The following CHRM3 variants were observed in gnomAD, a reference collection of about 807,000 sequenced individuals.
CHRM3 encodes cholinergic receptor muscarinic 3, also known as muscarinic acetylcholine receptor M3.
A neutral mutation model predicts 41.8 loss-of-function variants in CHRM3; 11 were observed. The ratio of observed to expected loss-of-function variants is 0.26; its 90% confidence interval spans 0.17 to 0.44. CHRM3 has a LOEUF of 0.44. Among genes scored for constraint, CHRM3 ranks in the 20% least tolerant of loss-of-function variants. The probability of loss-of-function intolerance (pLI) is 1.00; values close to 1 mark genes in which losing one functional copy is unlikely to be tolerated. For missense variants in CHRM3, 571 were observed against 745.4 expected (o/e 0.77, Z 2.72); for synonymous variants, 297 against 301.4 (o/e 0.99, Z 0.15).
At chr1:239,479,334 A>G (rs1336554989) in intron 1 of CHRM3, among the ~76,000 whole-genome samples, 2 of 152,210 alleles carry the variant, frequency 1.3e-5, no homozygotes, top group South Asian at 2.1e-4. Context: ...TCGAAATGCT[A>G]TAACCAAAGA....
intron 5 of CHRM3, among the ~76,000 whole-genome samples, chr1:239,713,002 A>C (rs1024095716): frequency 6.6e-6 from 1 of 152,190 alleles, no homozygotes; most frequent in Non-Finnish European, 1.5e-5. Flanking sequence ...TCCCTGACAC[A>C]GGGCCAGAAG....
intron 3 of CHRM3, among the ~76,000 whole-genome samples, chr1:239,591,888 G>C (rs1384405419): frequency 6.6e-6 from 1 of 152,132 alleles, no homozygotes; most frequent in Non-Finnish European, 1.5e-5. Context: ...TCCTCAGGAG[G>C]GAAAGTAATA....
At chr1:239,895,873 C>G (rs1678959621) in intron 6 of CHRM3, among the ~76,000 whole-genome samples, 1 of 152,016 alleles carries the variant, frequency 6.6e-6, no homozygotes. Flanking sequence ...GGGTACTATG[C>G]TCATTACATG....
At chr1:239,640,094 C>G (rs1670939959) in intron 4 of CHRM3, among the ~76,000 whole-genome samples, 1 of 151,830 alleles carries the variant, frequency 6.6e-6, no homozygotes, top group African/African-American at 2.4e-5. Context: ...TTGAACCAGC[C>G]TTGCATCCCA....
intron 3 of CHRM3, among the ~76,000 whole-genome samples, chr1:239,590,603 G>A (rs1273008687): frequency 6.6e-6 from 1 of 151,980 alleles, no homozygotes; most frequent in Non-Finnish European, 1.5e-5. Context: ...CCCTCTTCTA[G>A]CTTCTCTTAC....
At chr1:239,775,213 A>G (rs1667996574) in intron 5 of CHRM3, among the ~76,000 whole-genome samples, 4 of 152,166 alleles carry the variant, frequency 2.6e-5, no homozygotes, top group Admixed American at 2.6e-4. Flanking sequence ...TTACTGAAAA[A>G]TCAAGCAATA....
intron 4 of CHRM3, among the ~76,000 whole-genome samples, chr1:239,653,859 A>C (rs1295385774): frequency 6.6e-6 from 1 of 152,208 alleles, no homozygotes; most frequent in Non-Finnish European, 1.5e-5. Context: ...TTTTGGAGGA[A>C]ATAGCAAGAG....
intron 5 of CHRM3, among the ~76,000 whole-genome samples, chr1:239,775,328 G>T (rs1026228017): frequency 6.6e-6 from 1 of 152,042 alleles, no homozygotes; most frequent in Non-Finnish European, 1.5e-5. Context: ...AATACATTTA[G>T]CTTTTTAAGA....
At chr1:239,789,044 C>CT (rs547645582) in intron 5 of CHRM3, among the ~76,000 whole-genome samples, 26 of 152,292 alleles carry the variant, frequency 1.7e-4, no homozygotes, top group Non-Finnish European at 3.5e-4. Context: ...CGTCTTTTCT[C>CT]TGAGTGATTT....
intron 1 of CHRM3, among the ~76,000 whole-genome samples, chr1:239,392,774 A>G (rs1439595260): frequency 1.3e-5 from 2 of 152,212 alleles, no homozygotes; most frequent in Non-Finnish European, 2.9e-5. Context: ...ACTGTAGGAA[A>G]AAGGAGCTGC....
intron 1 of CHRM3, among the ~76,000 whole-genome samples, chr1:239,423,630 G>T (rs1041097101): frequency 2.0e-5 from 3 of 152,132 alleles, no homozygotes; most frequent in Admixed American, 6.5e-5. Context: ...AGTCAGAAAA[G>T]ATTCTAAGGT....
intron 3 of CHRM3, among the ~76,000 whole-genome samples, chr1:239,593,251 C>A (rs2148650453): frequency 6.6e-6 from 1 of 152,224 alleles, no homozygotes; most frequent in South Asian, 2.1e-4. Context: ...ACCTTAAAAA[C>A]CAAAATTTTA....
At chr1:239,806,443 C>CACACA (rs397945228) in intron 5 of CHRM3, among the ~76,000 whole-genome samples, 2 of 146,026 alleles carry the variant, frequency 1.4e-5, no homozygotes, top group Non-Finnish European at 3.1e-5. Context: ...CACACACACA[C>CACACA]CCCTGTGGAC....
intron 5 of CHRM3, among the ~76,000 whole-genome samples, chr1:239,785,469 C>T (rs111348520): frequency 1.7e-3 from 256 of 152,268 alleles, no homozygotes; most frequent in African/African-American, 5.8e-3. Flanking sequence ...GTAAACCCTT[C>T]GCTTTCTGTC....
At chr1:239,622,354 A>G (rs993849587) in intron 3 of CHRM3, among the ~76,000 whole-genome samples, 8 of 152,194 alleles carry the variant, frequency 5.3e-5, no homozygotes, top group Admixed American at 1.3e-4. Context: ...TACATTTCAT[A>G]AAGCTATAGC....
At chr1:239,451,325 T>C (rs1664540029) in intron 1 of CHRM3, among the ~76,000 whole-genome samples, 1 of 152,240 alleles carries the variant, frequency 6.6e-6, no homozygotes, top group Non-Finnish European at 1.5e-5. Flanking sequence ...AATTAAACTT[T>C]TAAATTTTAT....
chr1:239,678,967 A>C (rs556452378), intron 5 of CHRM3, among the ~76,000 whole-genome samples: 12 of 152,142 alleles, frequency 7.9e-5, no homozygotes, highest in Non-Finnish European at 1.8e-4. Flanking sequence ...CTTCTGTCTA[A>C]TTCAGACTTA....
At chr1:239,524,731 A>C (rs1669878483) in intron 2 of CHRM3, among the ~76,000 whole-genome samples, 1 of 152,192 alleles carries the variant, frequency 6.6e-6, no homozygotes, top group African/African-American at 2.4e-5. Context: ...ATAAAAGCTA[A>C]GTGAATTCTT....
At chr1:239,478,448 C>T (rs111949760) in intron 1 of CHRM3, among the ~76,000 whole-genome samples, 1 of 152,108 alleles carries the variant, frequency 6.6e-6, no homozygotes, top group Non-Finnish European at 1.5e-5. Context: ...GGATATAGTA[C>T]AGATGCCAGT....
Sources: gnomAD v4.1 joint callset for allele counts (sites outside exome capture counted in the v4.1 genomes callset) on GRCh38, gnomAD v4.1.1 for gene constraint, MANE v1.5 for transcripts, NCBI Gene and HGNC (gene_info 2026-07-23, HGNC 2026-07-21) for gene names.